The following NHSL2 variants were observed in gnomAD, a reference collection of about 807,000 sequenced individuals.
NHSL2 encodes NHS-like protein 2.
NHSL2 carries 27 observed loss-of-function variants against 53.4 expected under a neutral mutation model. The observed-to-expected ratio is 0.51, with a 90% CI of 0.37 to 0.70. NHSL2 has a LOEUF of 0.70. NHSL2 is among the 30% of genes least tolerant of loss of function. The pLI, the probability that NHSL2 is intolerant of heterozygous loss-of-function variation, is 0.00. For synonymous variants in NHSL2, 408 were observed against 404.1 expected (o/e 1.01, Z -0.12); for missense variants, 892 against 980.1 (o/e 0.91, Z 1.20).
intron 1 of NHSL2, among the ~76,000 whole-genome samples, chrX:71,927,784 C>A (rs959758638): frequency 4.5e-5 from 5 of 110,969 alleles, no homozygotes; most frequent in Non-Finnish European, 9.4e-5. Context: ...GTCTTGAACT[C>A]CTGATCTCAG....
At chrX:71,954,654 T>C (rs951618276) in intron 1 of NHSL2, among the ~76,000 whole-genome samples, 1 of 111,678 alleles carries the variant, frequency 9.0e-6, no homozygotes, top group Admixed American at 9.5e-5. Context: ...CACTCTCCCA[T>C]TGCCTTCTGC....
intron 1 of NHSL2, among the ~76,000 whole-genome samples, chrX:72,038,635 G>A (rs1157821257): frequency 1.8e-5 from 2 of 111,918 alleles, no homozygotes; most frequent in African/African-American, 6.5e-5. Context: ...TATATAAATG[G>A]CATCATACTG....
Position 72,079,805 on chromosome X carries a change from G to A in NHSL2, c.281-52274G>A, listed in dbSNP as rs774039234. 8.0e-5 allele frequency: 9 copies of A among 112,899 alleles called. No individual in the cohort carries two copies. In the East Asian group the frequency reaches 2.2e-3, roughly 28 times the overall value. The allele number at this position is 112,899 out of a possible 1,213,427, so 9.3% of individuals were successfully genotyped here. A position where few individuals can be genotyped will look rare whatever the true frequency, so the allele number is the denominator to read the frequency against. On this transcript the variant is annotated intron_variant, in intron 1 of 7. Coordinates refer to ENST00000633930, the MANE Select transcript of NHSL2 (RefSeq NM_001013627.3). ...CCTCACTGCAGGACAGCCGCTGAGC[G>A]GGAGGTCAGCCCTCTGAGGGGCTCT...
chrX:72,093,721 GCTTTCTTTCTTTCTTTCTTT>G (rs545225009), intron 1 of NHSL2, among the ~76,000 whole-genome samples: 61 of 95,336 alleles, frequency 6.4e-4, no homozygotes, highest in Middle Eastern at 5.3e-3. Context: ...TAGCTTGCTT[GCTTTCTTTCTTTCTTTCTTT>G]CTTTCTTTCT....
intron 1 of NHSL2, among the ~76,000 whole-genome samples, chrX:72,090,047 C>CTGTT (rs1276906963): frequency 8.1e-5 from 9 of 110,469 alleles, no homozygotes; most frequent in African/African-American, 2.3e-4. Context: ...GTCGTTGTTG[C>CTGTT]TGTTTGTTTG....
At chrX:72,049,089 G>A (rs1450355892) in intron 1 of NHSL2, among the ~76,000 whole-genome samples, 1 of 109,433 alleles carries the variant, frequency 9.1e-6, no homozygotes, top group Non-Finnish European at 1.9e-5. Context: ...GGGAGGAGGA[G>A]GAGGAGGATT....
chrX:72,070,008 G>A (rs930878655), intron 1 of NHSL2, among the ~76,000 whole-genome samples: 4 of 112,431 alleles, frequency 3.6e-5, no homozygotes, highest in African/African-American at 9.7e-5. Flanking sequence ...GAGGGTGGCT[G>A]GAGTGTCAGA....
intron 1 of NHSL2, among the ~76,000 whole-genome samples, chrX:72,088,661 A>C (rs183950882): frequency 2.5e-4 from 28 of 111,828 alleles, no homozygotes; most frequent in African/African-American, 8.8e-4. Flanking sequence ...ACTTCAGTCC[A>C]TACTACACAT....
intron 1 of NHSL2, among the ~76,000 whole-genome samples, chrX:72,119,459 T>C (rs1363711155): frequency 8.9e-6 from 1 of 112,669 alleles, no homozygotes; most frequent in Non-Finnish European, 1.9e-5. Context: ...GTTTTTAGCA[T>C]ACAAGTTTCA....
intron 1 of NHSL2, among the ~76,000 whole-genome samples, chrX:72,049,917 G>T (rs1424539296): frequency 9.8e-6 from 1 of 101,768 alleles, no homozygotes; most frequent in Non-Finnish European, 2.0e-5. Context: ...AGGCTTTGGT[G>T]ACACAACAAT....
intron 1 of NHSL2, among the ~76,000 whole-genome samples, chrX:71,972,086 G>A (rs1013478573): frequency 1.8e-5 from 2 of 109,962 alleles, no homozygotes; most frequent in African/African-American, 6.6e-5. Flanking sequence ...CCAGGCTGGA[G>A]TGCAATGGTA....
chrX:72,034,310 T>A (rs991886020), intron 1 of NHSL2, among the ~76,000 whole-genome samples: 1 of 112,587 alleles, frequency 8.9e-6, no homozygotes, highest in African/African-American at 3.2e-5. Flanking sequence ...ATTCTTTTTA[T>A]ATGTTGCTGA....
intron 1 of NHSL2, among the ~76,000 whole-genome samples, chrX:71,936,131 C>T (rs866628652): frequency 8.9e-6 from 1 of 111,741 alleles, no homozygotes; most frequent in African/African-American, 3.3e-5. Context: ...GTGATTTGCC[C>T]GAGGCCACAC....
chrX:72,067,616 C>G (rs1475488638), intron 1 of NHSL2, among the ~76,000 whole-genome samples: 2 of 112,373 alleles, frequency 1.8e-5, no homozygotes, highest in Non-Finnish European at 3.8e-5. Flanking sequence ...TGTGTTCAAT[C>G]TTCATGATTT....
At position 72,009,905 on chromosome X, in the gene NHSL2, C is replaced by T. The variant is rs759181234; in HGVS notation, c.280+98538C>T. Reference sequence around the variant, plus strand: ...CTGGGGCCACTCTAGTGAGTCTGCTCTCAGCCAGGCACAGCTGGATGTAGG... The same window carrying T: ...CTGGGGCCACTCTAGTGAGTCTGCTTTCAGCCAGGCACAGCTGGATGTAGG... On this transcript the variant is annotated intron_variant, in intron 1 of 7. Transcript: ENST00000633930. 1.3e-3 allele frequency among the ~76,000 whole-genome samples: 143 copies of T among 112,680 alleles called. 1 individual carries two copies. The highest frequency in any genetic ancestry group is 4.2e-3 in the African/African-American group (129 of 31,050).
chrX:71,955,832 CAT>C (rs1290795397), intron 1 of NHSL2, among the ~76,000 whole-genome samples: 2 of 108,860 alleles, frequency 1.8e-5, no homozygotes, highest in Non-Finnish European at 3.8e-5. Context: ...ATTCTGACCA[CAT>C]GTTTCCCATG....
chrX:72,060,740 GC>G (rs2147938464), intron 1 of NHSL2, among the ~76,000 whole-genome samples: 1 of 112,756 alleles, frequency 8.9e-6, no homozygotes, highest in Non-Finnish European at 1.9e-5. Flanking sequence ...GCTTGTGTGA[GC>G]CCAAGGCAGG....
At chrX:71,989,205 C>T (rs774564276) in intron 1 of NHSL2, among the ~76,000 whole-genome samples, 4 of 109,823 alleles carry the variant, frequency 3.6e-5, no homozygotes, top group Non-Finnish European at 7.6e-5. Context: ...AAAAATTAGC[C>T]GGGCGTGGTG....
At position 71,994,298 on chromosome X, in the gene NHSL2, C is replaced by CTGTGTGTG. The variant is rs10673341; in HGVS notation, c.280+82955_280+82962dup. On this transcript the variant is annotated intron_variant, in intron 1 of 7. Transcript: ENST00000633930. ...GAGAGATCCCTGAGGGAGGCTCCCTCTGTGTGTGTGTGTGTGTGTGTGTGT... is the reference window on the plus strand; with the variant it reads ...GAGAGATCCCTGAGGGAGGCTCCCTCTGTGTGTGTGTGTGTGTGTGTGTGTGTGTGTGT... 2.8e-3 allele frequency among the ~76,000 whole-genome samples: 255 copies of CTGTGTGTG among 90,067 alleles called. 2 individuals are homozygous for CTGTGTGTG. Among genetic ancestry groups the CTGTGTGTG allele is most frequent in the African/African-American group, 9.0e-3 (217 of 24,237 alleles). 78.2% of individuals were successfully genotyped at this position (90,067 alleles called of 115,157 possible).
Sources: allele counts gnomAD v4.1 joint callset (sites outside exome capture counted in the v4.1 genomes callset), GRCh38; gene constraint gnomAD v4.1.1; transcripts MANE v1.5; gene names NCBI Gene and HGNC (gene_info 2026-07-23, HGNC 2026-07-21).